ASH1L: variants seen among roughly 807,000 people sequenced by gnomAD.
The protein encoded by ASH1L is ASH1 like histone lysine methyltransferase, also known as histone-lysine N-methyltransferase ASH1L.
In ASH1L, 23 loss-of-function variants were observed where a neutral mutation model predicts 269.0. The ratio of observed to expected loss-of-function variants is 0.09; its 90% CI spans 0.06 to 0.12. The LOEUF is 0.12. Among genes scored for constraint, ASH1L ranks in the 10% least tolerant of loss-of-function variants. The pLI, the probability that ASH1L is intolerant of heterozygous loss-of-function variation, is 1.00. For synonymous variants in ASH1L, 1,187 were observed against 1,253.5 expected, an observed-to-expected ratio of 0.95 and a Z score of 1.12; for missense variants, 2,912 against 3,567.8, an observed-to-expected ratio of 0.82 and a Z score of 4.68.
chr1:155,440,456 C>T (rs984356887), intron 4 of ASH1L: 7 of 375,258 alleles, frequency 1.9e-5, no homozygotes, highest in Admixed American at 6.4e-5. Flanking sequence ...AATTTAACTG[C>T]GGAGGTCCTC....
In ASH1L at chr1:155,562,144, T is replaced by C. The variant is rs1010114243; in HGVS notation, c.-100+9A>G. The C allele has an allele frequency of 3.3e-6, 5 of 1,535,796 alleles. No individual in the cohort carries two copies. In the African/African-American group the frequency reaches 6.8e-5, roughly 21 times the overall value. ...AGGCCCGAATGCCGGCCCAAATCGTTCTACTCACCGTGTCGGAGGCCGAGG... is the reference window on the plus strand; with the variant it reads ...AGGCCCGAATGCCGGCCCAAATCGTCCTACTCACCGTGTCGGAGGCCGAGG... On this transcript the variant is annotated intron_variant, in intron 1 of 27. Coordinates refer to ENST00000392403, the MANE Select transcript of ASH1L (RefSeq NM_018489.3).
intron 1 of ASH1L, among the ~76,000 whole-genome samples, chr1:155,540,304 T>C (rs567564122): frequency 3.9e-5 from 6 of 152,290 alleles, no homozygotes; most frequent in Non-Finnish European, 8.8e-5. Flanking sequence ...CAAATGTGAA[T>C]AGAAATTGTT....
intron 2 of ASH1L, among the ~76,000 whole-genome samples, chr1:155,485,270 AC>A (rs1436129816): frequency 2.1e-5 from 3 of 141,188 alleles, no homozygotes; most frequent in Admixed American, 7.1e-5. Flanking sequence ...AAAAAAAAAA[AC>A]CCAAAACCAA....
intron 2 of ASH1L, among the ~76,000 whole-genome samples, chr1:155,492,124 C>T (rs774854558): frequency 6.6e-6 from 1 of 151,288 alleles, no homozygotes; most frequent in Non-Finnish European, 1.5e-5. Context: ...CAACCTCTGC[C>T]TCCCAGGTTG....
At chr1:155,414,721 T>C (rs114433068) in intron 6 of ASH1L, among the ~76,000 whole-genome samples, 1,574 of 152,318 alleles carry the variant, frequency 0.01, 31 homozygotes, top group African/African-American at 0.036. Context: ...CCCTAAACTT[T>C]CAAGTTGTTT....
chr1:155,478,374 T>C lies in ASH1L; in HGVS notation c.4496A>G (p.Gln1499Arg), dbSNP rs758564340. The C allele has an allele frequency of 1.2e-5, 20 of 1,614,014 alleles. No individual in the cohort carries two copies. The highest frequency in any genetic ancestry group is 1.7e-5 in the Non-Finnish European group (20 of 1,179,996). The stretch of plus-strand genomic sequence containing the variant: ...GGAAGAGCCAGTGTCCATAGAAACC[T>C]GGGGTTGTTCAGAAGAACGGTGTTC... The part of the protein sequence containing the change: ...HREHRSSEQP[Q>R]VSMDTGSSRS... Residue 1499 changes from glutamine to arginine, a missense_variant, in exon 3 of 28, where the codon CAG becomes CGG. Gln to Arg is a conservative substitution (Grantham distance 43). Transcript: ENST00000392403. This position sits in a 1 kb window ranked among gnomAD's most constrained non-coding sequence, Gnocchi z 4.6.
chr1:155,525,184 C>T (rs900863977), intron 1 of ASH1L, among the ~76,000 whole-genome samples: 2 of 151,888 alleles, frequency 1.3e-5, no homozygotes, highest in South Asian at 2.1e-4. Context: ...GAAATCGAGG[C>T]TGCAGTGAGC....
intron 1 of ASH1L, among the ~76,000 whole-genome samples, chr1:155,549,624 CAAAAA>C (rs1043659273): frequency 1.7e-5 from 1 of 60,456 alleles, no homozygotes; most frequent in Non-Finnish European, 3.7e-5. Context: ...GACTCAGTCT[CAAAAA>C]AAAAAAAAAA....
intron 25 of ASH1L, among the ~76,000 whole-genome samples, chr1:155,341,634 A>G (rs1353538833): frequency 6.6e-6 from 1 of 152,178 alleles, no homozygotes; most frequent in Non-Finnish European, 1.5e-5. Flanking sequence ...TCTTAAAATT[A>G]TGGGTGTGAA....
chr1:155,339,506 T>A (rs1652591933), intron 25 of ASH1L, 138 bp from the exon 26 acceptor site: 1 of 645,416 alleles, frequency 1.5e-6, no homozygotes, highest in Non-Finnish European at 2.7e-6. Context: ...AGAAATTTAG[T>A]ACTTCTATGA....
chr1:155,496,728 T>C (rs1281003352), intron 2 of ASH1L, among the ~76,000 whole-genome samples: 1 of 152,108 alleles, frequency 6.6e-6, no homozygotes, highest in African/African-American at 2.4e-5. Context: ...AGCCTTGACC[T>C]CCTGGGCTCA....
Position 155,551,850 on chromosome 1 carries a change from C to G in ASH1L, c.-100+10303G>C, listed in dbSNP as rs1341441145. The stretch of plus-strand genomic sequence containing the variant: ...AATTAGCCGGGCGTGGTGGCGGGCG[C>G]CTGTAATCCCAGTGACTTGGGAGGC... On this transcript the variant is annotated intron_variant, in intron 1 of 27. Transcript: ENST00000392403. 1.9e-4 allele frequency among the ~76,000 whole-genome samples: 28 copies of G among 150,074 alleles called. No individual in the cohort carries two copies. In the East Asian group the frequency reaches 5.3e-3, roughly 29 times the overall value.
At position 155,380,090 on chromosome 1, in the gene ASH1L, C is replaced by A; in HGVS notation, c.6130G>T (p.Asp2044Tyr). 6.2e-7 allele frequency: 1 copy of A among 1,613,168 alleles called. No individual in the cohort carries two copies. The highest frequency in any genetic ancestry group is 8.5e-7 in the Non-Finnish European group (1 of 1,179,370). Residue 2044 changes from aspartate to tyrosine, a missense_variant, in exon 8 of 28, where the codon GAC (aspartate) becomes TAC (tyrosine). Asp to Tyr is a radical substitution (Grantham distance 160). Coordinates refer to ENST00000392403, the MANE Select transcript of ASH1L (RefSeq NM_018489.3). Reference sequence around the variant, plus strand: ...AGGATATCATAAGGAAGCTGGAAGTCAATTCTCTTTTGTCTTAGATACTTT... The same window carrying A: ...AGGATATCATAAGGAAGCTGGAAGTAAATTCTCTTTTGTCTTAGATACTTT... ...VGKYLRQKRIDFQLPYDILWQ... is the reference protein window; with the variant it reads ...VGKYLRQKRIYFQLPYDILWQ...
intron 15 of ASH1L, 101 bp from the exon 16 acceptor site, chr1:155,354,731 T>C: frequency 8.7e-7 from 1 of 1,154,858 alleles, no homozygotes; most frequent in Non-Finnish European, 1.2e-6. Context: ...ATACGTGAAT[T>C]GAGCTGTTGT....
Position 155,479,971 on chromosome 1 carries a change from C to A in ASH1L, c.2899G>T (p.Asp967Tyr), listed in dbSNP as rs770382713. 1 of 1,613,408 alleles carries A rather than the reference C, an allele frequency of 6.2e-7. No homozygotes were observed. Among genetic ancestry groups the A allele is most frequent in the South Asian group, 1.1e-5 (1 of 91,008 alleles). Reference protein sequence around the residue: ...CSMSDLEMEPDKKITKRNNGQ... With the variant: ...CSMSDLEMEPYKKITKRNNGQ... ...TTGTTTCTCTTGGTAATTTTTTTATCTGGTTCCATCTCAAGGTCACTCATA... is the reference window on the plus strand; with the variant it reads ...TTGTTTCTCTTGGTAATTTTTTTATATGGTTCCATCTCAAGGTCACTCATA... Residue 967 changes from aspartate (D) to tyrosine (Y), a missense_variant, in exon 3 of 28, where the codon GAT (aspartate) becomes TAT (tyrosine). Around this residue, in one of 13 missense-constraint regions of ASH1L, gnomAD observed 715 missense variants for 721.0 expected, o/e 0.99. Coordinates refer to ENST00000392403, the MANE Select transcript of ASH1L (RefSeq NM_018489.3).
At chr1:155,439,115 GTTAT>G (rs1662342721) in intron 4 of ASH1L, 47 bp from the exon 5 acceptor site, 3 of 1,535,250 alleles carry the variant, frequency 2.0e-6, no homozygotes, top group Non-Finnish European at 2.6e-6. Context: ...GACACGGCTA[GTTAT>G]TTAAATAAGT....
At chr1:155,383,810 T>C (rs1210821321) in intron 7 of ASH1L, among the ~76,000 whole-genome samples, 2 of 152,114 alleles carry the variant, frequency 1.3e-5, no homozygotes, top group African/African-American at 4.8e-5. Flanking sequence ...GGTACAGAGT[T>C]ACAGTAGGGG....
At chr1:155,346,315 G>A (rs756028681) in intron 21 of ASH1L, 68 bp downstream of exon 21, 1 of 1,561,338 alleles carries the variant, frequency 6.4e-7, no homozygotes, top group African/African-American at 1.4e-5. Context: ...GCAGGAGCAG[G>A]ACAGGTGAGA....
chr1:155,475,575 CAATT>C (rs1474036234), intron 3 of ASH1L, among the ~76,000 whole-genome samples: 3 of 152,164 alleles, frequency 2.0e-5, no homozygotes, highest in Admixed American at 1.3e-4. Flanking sequence ...GCATTTTTCT[CAATT>C]AAGCCATTAT....
Sources: gnomAD v4.1 joint callset for allele counts (sites outside exome capture counted in the v4.1 genomes callset) on GRCh38, gnomAD v4.1.1 for gene constraint, gnomAD v4.1.1 regional missense constraint, Gnocchi (gnomAD v3.1) non-coding constraint, MANE v1.5 for transcripts, NCBI Gene and HGNC (gene_info 2026-07-23, HGNC 2026-07-21) for gene names.